GRIA4: variants seen among roughly 807,000 people sequenced by gnomAD.
GRIA4 encodes glutamate ionotropic receptor AMPA type subunit 4.
GRIA4 carries 34 observed loss-of-function variants against 104.0 expected under a neutral mutation model. The observed-to-expected ratio is 0.33, with a 90% CI of 0.25 to 0.44. The LOEUF is 0.44. Among genes scored for constraint, GRIA4 ranks in the 20% least tolerant of loss-of-function variants. GRIA4 has a pLI of 1.00. For synonymous variants in GRIA4, 386 were observed against 381.9 expected (o/e 1.01, Z -0.13); for missense variants, 750 against 1,096.5 (o/e 0.68, Z 4.46).
chr11:105,828,741 T>C (rs575726147), intron 4 of GRIA4, among the ~76,000 whole-genome samples: 1 of 151,932 alleles, frequency 6.6e-6, no homozygotes, highest in Admixed American at 6.6e-5. Context: ...ATACATGGTG[T>C]AACAAAATTT....
intron 3 of GRIA4, among the ~76,000 whole-genome samples, chr11:105,670,476 T>C (rs958081100): frequency 1.3e-5 from 2 of 152,138 alleles, no homozygotes; most frequent in Admixed American, 6.6e-5. Flanking sequence ...TAAGAAGTGG[T>C]AGATGATCTA....
intron 5 of GRIA4, among the ~76,000 whole-genome samples, chr11:105,883,809 G>A (rs961769865): frequency 6.6e-6 from 1 of 152,142 alleles, no homozygotes; most frequent in African/African-American, 2.4e-5. Flanking sequence ...GGATGGCTGG[G>A]TCGAATGGTA....
chr11:105,688,315 T>C (rs550967444), intron 3 of GRIA4, among the ~76,000 whole-genome samples: 136 of 152,178 alleles, frequency 8.9e-4, no homozygotes, highest in Middle Eastern at 3.4e-3. Flanking sequence ...TCCCAGCACT[T>C]TGGGAGGCCG....
chr11:105,869,490 G>A (rs934903237), intron 5 of GRIA4, among the ~76,000 whole-genome samples: 13 of 152,044 alleles, frequency 8.6e-5, no homozygotes, highest in Admixed American at 8.5e-4. Flanking sequence ...GGAGAGGTAA[G>A]TTATATTCCT....
intron 4 of GRIA4, among the ~76,000 whole-genome samples, chr11:105,840,342 C>T (rs1944347139): frequency 6.6e-6 from 1 of 152,002 alleles, no homozygotes; most frequent in Non-Finnish European, 1.5e-5. Flanking sequence ...CAATTTCTAC[C>T]CACAATAAAG....
At chr11:105,892,384 A>G (rs943056178) in intron 6 of GRIA4, among the ~76,000 whole-genome samples, 5 of 152,192 alleles carry the variant, frequency 3.3e-5, no homozygotes, top group African/African-American at 1.2e-4. Flanking sequence ...CACCTGGCTC[A>G]ATCATTAAAA....
chr11:105,942,514 C>T (rs17391463), intron 14 of GRIA4, among the ~76,000 whole-genome samples: 12,784 of 151,972 alleles, frequency 0.084, 726 homozygotes, highest in Admixed American at 0.18. Context: ...CTTATGATGT[C>T]GTTTTATTAT....
In GRIA4 at chr11:105,979,917, C is replaced by T; in HGVS notation, c.*178C>T. The T allele has an allele frequency of 2.1e-6, 1 of 470,592 alleles. No homozygotes were observed. The highest frequency in any genetic ancestry group is 3.8e-6 in the Non-Finnish European group (1 of 260,934). 29.2% of individuals were successfully genotyped at this position (470,592 alleles called of 1,614,324 possible). A position where few individuals can be genotyped will look rare whatever the true frequency, so the allele number is the denominator to read the frequency against. ...CAGCAACGTGTGCATGAGCTCAGCT[C>T]GGAAACCCAAACTCAGATTTTATAT... On this transcript the variant is annotated 3_prime_UTR_variant, in exon 17 of 17. Transcript: ENST00000282499.
intron 4 of GRIA4, among the ~76,000 whole-genome samples, chr11:105,845,043 G>T (rs1944533764): frequency 6.6e-6 from 1 of 152,222 alleles, no homozygotes; most frequent in Non-Finnish European, 1.5e-5. Flanking sequence ...CACATTTAGT[G>T]ACTTTAAACA....
chr11:105,957,924 G>A (rs959479979), intron 14 of GRIA4, among the ~76,000 whole-genome samples: 7 of 152,134 alleles, frequency 4.6e-5, no homozygotes, highest in African/African-American at 1.7e-4. Context: ...TCTGTTATTG[G>A]TGTATAGGAA....
intron 14 of GRIA4, among the ~76,000 whole-genome samples, chr11:105,939,148 T>C (rs1364923377): frequency 6.6e-6 from 1 of 152,210 alleles, no homozygotes; most frequent in East Asian, 1.9e-4. Flanking sequence ...TTTTGACAGT[T>C]CATTCAACAA....
intron 6 of GRIA4, among the ~76,000 whole-genome samples, chr11:105,888,577 C>T (rs914047050): frequency 6.6e-6 from 1 of 151,990 alleles, no homozygotes; most frequent in South Asian, 2.1e-4. Flanking sequence ...TGAGCCACCA[C>T]GCCCGGCCTC....
intron 16 of GRIA4, among the ~76,000 whole-genome samples, chr11:105,975,440 G>T (rs1263676836): frequency 6.6e-6 from 1 of 151,390 alleles, no homozygotes; most frequent in African/African-American, 2.4e-5. Context: ...ATAAAAAATT[G>T]TAAGCATTCA....
At chr11:105,616,982 T>C (rs1950617362) in intron 3 of GRIA4, among the ~76,000 whole-genome samples, 1 of 151,478 alleles carries the variant, frequency 6.6e-6, no homozygotes, top group Admixed American at 6.6e-5. Context: ...TTGTATATAT[T>C]TGATGTATTT....
intron 4 of GRIA4, among the ~76,000 whole-genome samples, chr11:105,850,245 CT>C (rs1230553110): frequency 2.6e-5 from 4 of 152,104 alleles, no homozygotes; most frequent in African/African-American, 7.2e-5. Flanking sequence ...TTATTGTAGA[CT>C]TTTTTTGCAT....
intron 3 of GRIA4, among the ~76,000 whole-genome samples, chr11:105,684,289 A>G (rs1167982617): frequency 6.6e-6 from 1 of 152,128 alleles, no homozygotes; most frequent in Non-Finnish European, 1.5e-5. Context: ...AAATATTATC[A>G]ACGACATTAA....
chr11:105,710,399 T>C (rs895547342), intron 3 of GRIA4, among the ~76,000 whole-genome samples: 2 of 152,082 alleles, frequency 1.3e-5, no homozygotes. Context: ...TCACATTACA[T>C]TGTCAGAAAA....
At chr11:105,738,930 C>CA (rs1301890108) in intron 3 of GRIA4, among the ~76,000 whole-genome samples, 1,680 of 80,496 alleles carry the variant, frequency 0.021, 17 homozygotes, top group African/African-American at 0.051. Context: ...TAAAAAAAAA[C>CA]AAAAAAAAAA....
intron 4 of GRIA4, among the ~76,000 whole-genome samples, chr11:105,776,981 G>A (rs1473939727): frequency 6.6e-6 from 1 of 152,110 alleles, no homozygotes; most frequent in Non-Finnish European, 1.5e-5. Flanking sequence ...CTGCATGCAC[G>A]TGGTACCCAG....
Sources: allele counts gnomAD v4.1 joint callset (sites outside exome capture counted in the v4.1 genomes callset), GRCh38; gene constraint gnomAD v4.1.1; transcripts MANE v1.5; gene names NCBI Gene and HGNC (gene_info 2026-07-23, HGNC 2026-07-21).